The following SH3BP4 variants were observed in gnomAD, a reference collection of about 807,000 sequenced individuals.
SH3BP4 encodes SH3 domain binding protein 4.
SH3BP4 carries 33 observed loss-of-function variants against 65.5 expected under a neutral mutation model. The ratio of observed to expected loss-of-function variants is 0.50; its 90% CI spans 0.38 to 0.67. The LOEUF is 0.67. Ranked by LOEUF, SH3BP4 falls within the 30% of genes least tolerant of loss-of-function variation. The probability of loss-of-function intolerance (pLI) is 0.00; values close to 1 mark genes in which losing one functional copy is unlikely to be tolerated. For synonymous variants in SH3BP4, 552 were observed against 545.5 expected (o/e 1.01, Z -0.17); for missense variants, 1,134 against 1,261.4 (o/e 0.90, Z 1.53).
chr2:234,956,307 G>A (rs1692584513), intron 1 of SH3BP4, among the ~76,000 whole-genome samples: 1 of 152,184 alleles, frequency 6.6e-6, no homozygotes, highest in South Asian at 2.1e-4. Flanking sequence ...ACTAGAATGA[G>A]ATTAAGATTA....
At chr2:234,957,942 C>G (rs552261295) in intron 1 of SH3BP4, among the ~76,000 whole-genome samples, 2 of 152,094 alleles carry the variant, frequency 1.3e-5, no homozygotes, top group Non-Finnish European at 2.9e-5. Flanking sequence ...CATCTTCCCC[C>G]CAACAGGTCT....
intron 3 of SH3BP4, among the ~76,000 whole-genome samples, chr2:235,037,155 C>G (rs1445339535): frequency 6.6e-6 from 1 of 152,190 alleles, no homozygotes; most frequent in Non-Finnish European, 1.5e-5. Context: ...CTTCCTAACA[C>G]CCAGGGAGAT....
intron 1 of SH3BP4, among the ~76,000 whole-genome samples, chr2:234,975,910 C>T (rs191871655): frequency 1.3e-5 from 2 of 152,114 alleles, no homozygotes; most frequent in Non-Finnish European, 2.9e-5. Context: ...GTAGTTTGAC[C>T]AGGAACATTC....
At chr2:234,971,114 C>T (rs924979557) in intron 1 of SH3BP4, among the ~76,000 whole-genome samples, 1 of 152,196 alleles carries the variant, frequency 6.6e-6, no homozygotes, top group African/African-American at 2.4e-5. Flanking sequence ...ACAGCAGAAT[C>T]TTCACACCTT....
Position 234,977,522 on chromosome 2 carries a change from T to C in SH3BP4, c.-206-17781T>C, listed in dbSNP as rs983474397. On this transcript the variant is annotated intron_variant, in intron 1 of 5. Transcript: ENST00000392011. The surrounding 1 kb of genome is among the most constrained non-coding windows in gnomAD (Gnocchi z 5.1). ...GGACAATGGTGCATTATTAAACTGC[T>C]CTGAAACTCAGAGCCCAGAGCACCC... Among the ~76,000 whole-genome samples, 1 of 152,044 alleles carries C rather than the reference T, an allele frequency of 6.6e-6. No individual in the cohort carries two copies. Among genetic ancestry groups the C allele is most frequent in the Non-Finnish European group, 1.5e-5 (1 of 68,006 alleles).
chr2:235,050,731 C>G (rs10170940), intron 4 of SH3BP4, among the ~76,000 whole-genome samples: 21,229 of 151,924 alleles, frequency 0.14, 1,510 homozygotes, highest in Middle Eastern at 0.19. Flanking sequence ...CAGCTGGGCT[C>G]GCTTTGAAGT....
chr2:235,020,515 A>C (rs1694820514), intron 2 of SH3BP4, among the ~76,000 whole-genome samples: 3 of 152,194 alleles, frequency 2.0e-5, no homozygotes, highest in African/African-American at 7.2e-5. Context: ...AGAGCAGAAA[A>C]AATAAGTGAC....
chr2:235,004,785 A>T (rs899021948), intron 2 of SH3BP4, among the ~76,000 whole-genome samples: 1 of 152,156 alleles, frequency 6.6e-6, no homozygotes, highest in Non-Finnish European at 1.5e-5. Context: ...TCGTTGATGG[A>T]CATTTGGGTC....
chr2:235,019,293 TAGAG>T (rs1450999664), intron 2 of SH3BP4, among the ~76,000 whole-genome samples: 2 of 151,524 alleles, frequency 1.3e-5, no homozygotes, highest in African/African-American at 2.4e-5. Flanking sequence ...GAGCAGGTAA[TAGAG>T]AGAGGAGATC....
chr2:235,052,424 G>T lies in SH3BP4; in HGVS notation c.2479-138G>T. ...ATCCTGGCAGTGATCGATTTCAGGG[G>T]ACATTTGGTAGTAGGCCAGGGAACA... On this transcript the variant is annotated intron_variant, in intron 4 of 5. Transcript: ENST00000392011. This position sits in a 1 kb window ranked among gnomAD's most constrained non-coding sequence, Gnocchi z 5.0. 1.6e-6 allele frequency: 1 copy of T among 623,732 alleles called. No homozygotes were observed. 38.6% of individuals were successfully genotyped at this position (623,732 alleles called of 1,614,324 possible).
chr2:234,992,222 G>A (rs748529531), intron 1 of SH3BP4, among the ~76,000 whole-genome samples: 1 of 152,368 alleles, frequency 6.6e-6, no homozygotes, highest in East Asian at 1.9e-4. Flanking sequence ...AGTTTCCAGC[G>A]AAGATTTATT....
Position 235,041,456 on chromosome 2 carries a change from G to T in SH3BP4, c.687G>T (p.Glu229Asp). 1 of 1,614,166 alleles carries T rather than the reference G, an allele frequency of 6.2e-7. No homozygotes were observed. The highest frequency in any genetic ancestry group is 8.5e-7 in the Non-Finnish European group (1 of 1,180,044). The change falls in exon 4 of 6, where the codon GAG (glutamate) becomes GAT (aspartate). Residue 229 changes from glutamate to aspartate, a missense_variant. Glu to Asp is a conservative substitution (Grantham distance 45). Coordinates refer to ENST00000392011, the MANE Select transcript of SH3BP4 (RefSeq NM_014521.3). This position sits in a 1 kb window ranked among gnomAD's most constrained non-coding sequence, Gnocchi z 6.0. ...ELPVTNGLHAEPPVRRDNPFF... is the reference protein window; with the variant it reads ...ELPVTNGLHADPPVRRDNPFF... ...CAGTCACAAACGGACTCCACGCAGA[G>T]CCGCCGGTCAGGCGGGACAACCCCT... is the stretch of plus-strand genomic sequence containing the variant.
chr2:234,992,187 G>C (rs1693766530), intron 1 of SH3BP4, among the ~76,000 whole-genome samples: 1 of 152,242 alleles, frequency 6.6e-6, no homozygotes, highest in Non-Finnish European at 1.5e-5. Context: ...GCAGCTTTTT[G>C]GAGTTGGGGC....
chr2:235,005,089 C>T (rs935432928), intron 2 of SH3BP4, among the ~76,000 whole-genome samples: 4 of 152,226 alleles, frequency 2.6e-5, no homozygotes, highest in African/African-American at 7.2e-5. Context: ...TAACACAGGA[C>T]TGCGAGGAAG....
intron 1 of SH3BP4, among the ~76,000 whole-genome samples, chr2:234,954,815 G>A (rs1324536401): frequency 6.6e-6 from 1 of 152,134 alleles, no homozygotes; most frequent in African/African-American, 2.4e-5. Flanking sequence ...TGGGAGGTGT[G>A]TGTGCTTTCT....
At chr2:235,038,679 G>T (rs779402428) in intron 3 of SH3BP4, among the ~76,000 whole-genome samples, 3 of 151,864 alleles carry the variant, frequency 2.0e-5, no homozygotes, top group Non-Finnish European at 2.9e-5. Context: ...CAAGGCCTGG[G>T]CATTGCAGAT....
intron 1 of SH3BP4, among the ~76,000 whole-genome samples, chr2:234,969,192 G>T (rs536204305): frequency 6.6e-6 from 1 of 152,354 alleles, no homozygotes; most frequent in East Asian, 1.9e-4. Context: ...TGCCAGTCTT[G>T]TTAGGCAGAC....
chr2:235,005,348 G>T (rs1574812114), intron 2 of SH3BP4, among the ~76,000 whole-genome samples: 1 of 151,884 alleles, frequency 6.6e-6, no homozygotes, highest in African/African-American at 2.4e-5. Flanking sequence ...TGTCAGGGGA[G>T]CCCCTCGCCT....
rs1694582871 is a variant in SH3BP4, at chr2:235,013,430, C to T, written c.-133+18054C>T. Among the ~76,000 whole-genome samples the T allele has an allele frequency of 2.0e-5, 3 of 152,370 alleles. No individual in the cohort carries two copies. The South Asian group carries it at 6.2e-4, about 32-fold the overall frequency. ...GGGTCTCCCGCCCTTGGCTGGTTTT[C>T]ACTCAGCTCCTACCAGCTGCTGGAA... On this transcript the variant is annotated intron_variant, in intron 2 of 5. Transcript: ENST00000392011.
Sources: gnomAD v4.1 joint callset for allele counts (sites outside exome capture counted in the v4.1 genomes callset) on GRCh38, gnomAD v4.1.1 for gene constraint, Gnocchi (gnomAD v3.1) non-coding constraint, MANE v1.5 for transcripts, NCBI Gene and HGNC (gene_info 2026-07-23, HGNC 2026-07-21) for gene names.